The following FBXO4 variants were observed in gnomAD, a reference collection of about 807,000 sequenced individuals.
FBXO4 encodes the protein F-box protein 4.
Under a neutral mutation model 43.7 loss-of-function variants are expected in FBXO4, and 36 were observed. The ratio of observed to expected loss-of-function variants is 0.82; its 90% CI spans 0.63 to 1.09. FBXO4 has a LOEUF of 1.09. Among genes scored for constraint, FBXO4 ranks in the 50% least tolerant of loss-of-function variants. FBXO4 has a pLI of 0.00. For synonymous variants in FBXO4, 180 were observed against 165.6 expected, an observed-to-expected ratio of 1.09 and a Z score of -0.67; for missense variants, 435 against 474.1, an observed-to-expected ratio of 0.92 and a Z score of 0.77.
At chr5:42,034,299 C>T in the FBXO4 span, among the ~76,000 whole-genome samples, 15 of 152,078 alleles carry the variant, frequency 9.9e-5, no homozygotes, top group Non-Finnish European at 1.5e-4. Context: ...AAAATTTTCT[C>T]CCATTCTGTA....
At chr5:41,972,778 T>C in the FBXO4 span, among the ~76,000 whole-genome samples, 7 of 151,992 alleles carry the variant, frequency 4.6e-5, no homozygotes, top group African/African-American at 7.3e-5. Flanking sequence ...GCCACACACA[T>C]ACAACCATCT....
intron 5 of FBXO4, 111 bp from the exon 6 acceptor site, chr5:41,939,330 T>C (rs1751935491): frequency 1.1e-6 from 1 of 949,864 alleles, no homozygotes; most frequent in Non-Finnish European, 1.5e-6. Flanking sequence ...CCTCAGTTTA[T>C]GTTTGGATCC....
chr5:41,996,625 G>A, the FBXO4 span, among the ~76,000 whole-genome samples: 1 of 152,094 alleles, frequency 6.6e-6, no homozygotes, highest in Non-Finnish European at 1.5e-5. Flanking sequence ...CAGCCTTTTG[G>A]GTCACTTGAT....
the FBXO4 span, among the ~76,000 whole-genome samples, chr5:41,957,091 C>T: frequency 1.3e-5 from 2 of 151,936 alleles, no homozygotes; most frequent in African/African-American, 4.8e-5. Context: ...GTGTGGTTTT[C>T]TTTGTATTTA....
chr5:41,950,518 A>G, the FBXO4 span, among the ~76,000 whole-genome samples: 3 of 152,238 alleles, frequency 2.0e-5, no homozygotes, highest in Non-Finnish European at 4.4e-5. Context: ...GTGAGATACC[A>G]TCTCACGCCA....
the FBXO4 span, among the ~76,000 whole-genome samples, chr5:42,020,413 T>G: frequency 6.6e-6 from 1 of 152,176 alleles, no homozygotes; most frequent in Non-Finnish European, 1.5e-5. Context: ...CTGATCTAGA[T>G]AAATACAGAG....
At chr5:42,019,700 A>AG in the FBXO4 span, among the ~76,000 whole-genome samples, 16,595 of 151,610 alleles carry the variant, frequency 0.11, 1,434 homozygotes, top group African/African-American at 0.24. Context: ...GTCTCAAAAA[A>AG]AAAAAAACCA....
At chr5:41,985,014 C>T in the FBXO4 span, among the ~76,000 whole-genome samples, 67 of 152,330 alleles carry the variant, frequency 4.4e-4, no homozygotes, top group African/African-American at 1.6e-3. Context: ...CTCAATTTCT[C>T]ATATTGTGAT....
the FBXO4 span, among the ~76,000 whole-genome samples, chr5:41,948,148 T>C: frequency 6.6e-6 from 1 of 151,500 alleles, no homozygotes; most frequent in Non-Finnish European, 1.5e-5. Flanking sequence ...TTTTTTTTTT[T>C]TTTTTTGAGA....
At chr5:41,934,589 C>A (rs1220812969) in intron 5 of FBXO4, 25 of 1,319,578 alleles carry the variant, frequency 1.9e-5, no homozygotes, top group Non-Finnish European at 2.4e-5. Context: ...TTTTTCCAAG[C>A]ACCCAGGGAA....
At chr5:41,960,209 G>T in the FBXO4 span, among the ~76,000 whole-genome samples, 2 of 151,808 alleles carry the variant, frequency 1.3e-5, no homozygotes, top group African/African-American at 4.8e-5. Flanking sequence ...TGTTGATTTT[G>T]TATTCTGCAA....
the FBXO4 span, among the ~76,000 whole-genome samples, chr5:42,037,774 T>C: frequency 1.3e-5 from 2 of 152,186 alleles, no homozygotes; most frequent in East Asian, 3.9e-4. Flanking sequence ...GATGCTTTCA[T>C]CCTCCTAACC....
At chr5:42,034,309 A>C in the FBXO4 span, among the ~76,000 whole-genome samples, 1 of 152,084 alleles carries the variant, frequency 6.6e-6, no homozygotes, top group African/African-American at 2.4e-5. Context: ...CCCATTCTGT[A>C]GGCTGCCTGT....
the FBXO4 span, among the ~76,000 whole-genome samples, chr5:42,001,910 C>T: frequency 1.3e-5 from 2 of 152,028 alleles, no homozygotes; most frequent in Admixed American, 6.6e-5. Context: ...AGGCTGCTCT[C>T]GAACTTGACC....
chr5:41,927,141 T>G lies in FBXO4; in HGVS notation c.318T>G (p.Asp106Glu). 6.2e-7 allele frequency: 1 copy of G among 1,613,962 alleles called. No homozygotes were observed. The highest frequency in any genetic ancestry group is 8.5e-7 in the Non-Finnish European group (1 of 1,179,902). Residue 106 changes from aspartate (D) to glutamate (E), a missense_variant, in exon 2 of 7, where the codon GAT (aspartate) becomes GAG (glutamate). By Grantham distance (45) the Asp-to-Glu change is conservative. Transcript: ENST00000281623. ...TGTGGAGATACTTTTTGTTGAGGGA[T>G]CTTCCTTCTTGGTCTTCTGTTGACT... is the stretch of plus-strand genomic sequence containing the variant. ...PILWRYFLLR[D>E]LPSWSSVDWK...
At chr5:41,993,184 C>T in the FBXO4 span, among the ~76,000 whole-genome samples, 2 of 152,156 alleles carry the variant, frequency 1.3e-5, no homozygotes, top group East Asian at 3.9e-4. Flanking sequence ...AAGGATAAGG[C>T]AATGAACAAA....
At chr5:42,001,424 G>A in the FBXO4 span, among the ~76,000 whole-genome samples, 6 of 152,172 alleles carry the variant, frequency 3.9e-5, no homozygotes, top group African/African-American at 1.4e-4. Flanking sequence ...TAGAGACGGG[G>A]TTTCGCCATG....
chr5:42,011,279 G>A, the FBXO4 span, among the ~76,000 whole-genome samples: 14 of 152,178 alleles, frequency 9.2e-5, no homozygotes, highest in African/African-American at 3.1e-4. Flanking sequence ...CTCAAGAATG[G>A]ATTAATGCCA....
At chr5:41,968,084 G>A in the FBXO4 span, 1 of 349,408 alleles carries the variant, frequency 2.9e-6, no homozygotes, top group Non-Finnish European at 5.9e-6. Context: ...TCATTTAGTT[G>A]GCAATGGGTT....
Sources: gnomAD v4.1 joint callset for allele counts (sites outside exome capture counted in the v4.1 genomes callset) on GRCh38, gnomAD v4.1.1 for gene constraint, MANE v1.5 for transcripts, NCBI Gene and HGNC (gene_info 2026-07-23, HGNC 2026-07-21) for gene names.